ZNF862: variants seen among roughly 807,000 people sequenced by gnomAD.
ZNF862 encodes the protein zinc finger protein 862.
ZNF862 carries 64 observed loss-of-function variants against 91.1 expected under a neutral mutation model. That is an observed-to-expected ratio of 0.70 (90% CI 0.57 to 0.87). The LOEUF is 0.87. Ranked by LOEUF, ZNF862 falls within the 40% of genes least tolerant of loss-of-function variation. The probability of loss-of-function intolerance (pLI) is 0.00; values close to 1 mark genes in which losing one functional copy is unlikely to be tolerated. For missense variants in ZNF862, 1,459 were observed against 1,528.0 expected (o/e 0.95, Z 0.75); for synonymous variants, 631 against 618.1 (o/e 1.02, Z -0.31).
chr7:149,849,825 T>G (rs1228474062), intron 4 of ZNF862, among the ~76,000 whole-genome samples: 4 of 152,158 alleles, frequency 2.6e-5, no homozygotes, highest in Non-Finnish European at 5.9e-5. Context: ...AGGCACACAG[T>G]CACCTTTTAG....
At chr7:149,845,069 G>T in intron 2 of ZNF862, 1 of 261,302 alleles carries the variant, frequency 3.8e-6, no homozygotes, top group South Asian at 4.9e-5. Context: ...GAGCCCGTAG[G>T]ACACTGGAGG....
In ZNF862 at chr7:149,861,782, C is replaced by G. The variant is rs185315692; in HGVS notation, c.2622C>G (p.Arg874=). Residue 874 remains arginine (R), a synonymous_variant, in exon 7 of 8, where the codon CGC becomes CGG. Transcript: ENST00000223210. The surrounding 1 kb of genome is among the most constrained non-coding windows in gnomAD (Gnocchi z 6.7). The stretch of plus-strand genomic sequence containing the variant: ...CAGAGGTGAACGCCACGCTGGGCCG[C>G]GCCTACGTGGCACTGGAGAGCCTCC... ...LITEVNATLG[R]AYVALESLRH... The G allele has an allele frequency of 1.9e-4, 312 of 1,613,610 alleles. 1 individual carries two copies. The African/African-American group carries it at 3.4e-3, about 17-fold the overall frequency.
At chr7:149,841,258 T>C in intron 1 of ZNF862, 1 of 985,450 alleles carries the variant, frequency 1.0e-6, no homozygotes, top group Non-Finnish European at 1.2e-6. Flanking sequence ...TTTGGTCTAT[T>C]ACTAGACTCT....
rs3735330 is a variant in ZNF862 at position 149,866,649 on chromosome 7, G to T, written c.*2365G>T. ...CCTTCCTTAGGTGGTGGGAAAGGGG[G>T]GTCCCTGTGCAGCGGGGCCACTGAG... On this transcript the variant is annotated 3_prime_UTR_variant, in exon 8 of 8. Coordinates refer to ENST00000223210, the MANE Select transcript of ZNF862 (RefSeq NM_001099220.3). The T allele has an allele frequency of 0.48, 72,447 of 152,002 alleles. 18,336 individuals are homozygous for T. The highest frequency in any genetic ancestry group is 0.58 in the Non-Finnish European group (39,712 of 67,972). 9.4% of individuals were successfully genotyped at this position (152,002 alleles called of 1,614,324 possible).
chr7:149,862,943 G>A (rs1022869591), intron 7 of ZNF862, among the ~76,000 whole-genome samples: 4 of 152,208 alleles, frequency 2.6e-5, no homozygotes, highest in East Asian at 1.9e-4. Context: ...CCCAGGCAGC[G>A]CCATCACATT....
In ZNF862 at chr7:149,838,600, G is replaced by A; in HGVS notation, c.-12G>A. On this transcript the variant is annotated 5_prime_UTR_variant, in exon 1 of 8. Coordinates refer to ENST00000223210, the MANE Select transcript of ZNF862 (RefSeq NM_001099220.3). ...GGGGGAGGGGGCGGCACGGGCCTCC[G>A]AAAGCGGGGCCATGGAGCCCAGAGA... 1 of 1,223,940 alleles carries A rather than the reference G, an allele frequency of 8.2e-7. No homozygotes were observed. Among genetic ancestry groups the A allele is most frequent in the Non-Finnish European group, 1.0e-6 (1 of 978,772 alleles). The allele number at this position is 1,223,940 out of a possible 1,614,324, so 75.8% of individuals were successfully genotyped here.
At position 149,861,983 on chromosome 7, in the gene ZNF862, C is replaced by T. The variant is rs200599838; in HGVS notation, c.2823C>T (p.Pro941=). The change falls in exon 7 of 8, where the codon CCC becomes CCT. Residue 941 remains proline (P), a synonymous_variant. Coordinates refer to ENST00000223210, the MANE Select transcript of ZNF862 (RefSeq NM_001099220.3). This position sits in a 1 kb window ranked among gnomAD's most constrained non-coding sequence, Gnocchi z 6.7. ...AGCAGAGGTTTGACGCAGACCGACC[C>T]CCACAGCTGAAGAACATGGAGGTGT... is the stretch of plus-strand genomic sequence containing the variant. ...YLQQRFDADR[P]PQLKNMEVFD... 5,464 of 1,613,868 alleles carry T rather than the reference C, an allele frequency of 3.4e-3. 86 individuals are homozygous for T. The highest frequency in any genetic ancestry group is 0.033 in the South Asian group (3,020 of 91,082).
intron 6 of ZNF862, chr7:149,859,732 G>A: frequency 1.8e-6 from 1 of 545,536 alleles, no homozygotes; most frequent in Non-Finnish European, 3.2e-6. Context: ...GGAAAAAACA[G>A]GTCCTTTTGT....
rs552865549 is a variant in ZNF862 at position 149,855,029 on chromosome 7, G to A, written c.1118-4393G>A. 7.9e-5 allele frequency among the ~76,000 whole-genome samples: 12 copies of A among 152,328 alleles called. No individual in the cohort carries two copies. Among genetic ancestry groups the A allele is most frequent in the East Asian group, 7.7e-4 (4 of 5,190 alleles). On this transcript the variant is annotated intron_variant, in intron 5 of 7. Coordinates refer to ENST00000223210, the MANE Select transcript of ZNF862 (RefSeq NM_001099220.3). The surrounding 1 kb of genome is among the most constrained non-coding windows in gnomAD (Gnocchi z 4.1). ...GGTGAGGGCCCTGGAGCCCATGTTC[G>A]AATCCCACCTACTACCTATGAAAGG... is the stretch of plus-strand genomic sequence containing the variant.
In ZNF862 at chr7:149,866,506, T is replaced by C. The variant is rs1802732440; in HGVS notation, c.*2222T>C. 6.6e-6 allele frequency: 1 copy of C among 152,248 alleles called. No individual in the cohort carries two copies. 9.4% of individuals were successfully genotyped at this position (152,248 alleles called of 1,614,324 possible). ...AATCCCTCAGAGCAGGAGGCCATCC[T>C]GTGAGCAGCCGTGAGTGGGTCTCTG... is the stretch of plus-strand genomic sequence containing the variant. On this transcript the variant is annotated 3_prime_UTR_variant, in exon 8 of 8. Transcript: ENST00000223210.
In ZNF862 at chr7:149,862,393, A is replaced by T; in HGVS notation, c.3233A>T (p.Tyr1078Phe). 1.2e-6 allele frequency: 2 copies of T among 1,612,638 alleles called. No homozygotes were observed. Among genetic ancestry groups the T allele is most frequent in the Non-Finnish European group, 1.7e-6 (2 of 1,179,616 alleles). ...TAVNGVAVTE[Y>F]DPQPAIQHWY... ...GTGAACGGCGTGGCCGTCACGGAGT[A>T]CGACCCCCAGCCCGCCATCCAGCAC... The change falls in exon 7 of 8, where the codon TAC becomes TTC. Residue 1078 changes from tyrosine (Y) to phenylalanine (F), a missense_variant. Transcript: ENST00000223210.
At chr7:149,847,421 T>TACGTTTCATAGATCAGATTGC in intron 3 of ZNF862, among the ~76,000 whole-genome samples, 1 of 152,168 alleles carries the variant, frequency 6.6e-6, no homozygotes, top group African/African-American at 2.4e-5. Flanking sequence ...CTGAAGATTG[T>TACGTTTCATAGATCAGATTGC]ACGTTTCATA....
At chr7:149,862,554 G>C in intron 7 of ZNF862, 60 bp downstream of exon 7, 2 of 1,495,780 alleles carry the variant, frequency 1.3e-6, no homozygotes, top group Non-Finnish European at 1.8e-6. Context: ...AGGCCAATAA[G>C]ACAGGACTGC....
intron 3 of ZNF862, among the ~76,000 whole-genome samples, 181 bp from the exon 4 acceptor site, chr7:149,847,554 A>G (rs549997683): frequency 2.0e-5 from 3 of 151,308 alleles, no homozygotes; most frequent in African/African-American, 7.3e-5. Flanking sequence ...AGGTGAGGGA[A>G]GGGCCTGCAG....
At position 149,861,075 on chromosome 7, in the gene ZNF862, T is replaced by G; in HGVS notation, c.1915T>G (p.Cys639Gly). 1 of 1,612,828 alleles carries G rather than the reference T, an allele frequency of 6.2e-7. No individual in the cohort carries two copies. ...CTCCACCGACGCCTCCGAGCAGGCCTGCGTGGGGATTTACATCCGCTACTT... is the reference window on the plus strand; with the variant it reads ...CTCCACCGACGCCTCCGAGCAGGCCGGCGTGGGGATTTACATCCGCTACTT... ...DSSTDASEQACVGIYIRYFKQ... is the reference protein window; with the variant it reads ...DSSTDASEQAGVGIYIRYFKQ... Residue 639 changes from cysteine to glycine, a missense_variant, in exon 7 of 8, where the codon TGC (cysteine) becomes GGC (glycine). Cys to Gly is a radical substitution (Grantham distance 159, BLOSUM62 -3). Transcript: ENST00000223210. This position sits in a 1 kb window ranked among gnomAD's most constrained non-coding sequence, Gnocchi z 6.7.
At chr7:149,839,987 G>T (rs1460165664) in intron 1 of ZNF862, among the ~76,000 whole-genome samples, 1 of 152,020 alleles carries the variant, frequency 6.6e-6, no homozygotes, top group South Asian at 2.1e-4. Flanking sequence ...GGCTTTCTTA[G>T]CCTTTAACGG....
intron 1 of ZNF862, 132 bp from the exon 2 acceptor site, chr7:149,844,493 T>TG: frequency 1.6e-6 from 1 of 608,334 alleles, no homozygotes. Flanking sequence ...TGGGGAGAGA[T>TG]GGGGTGTGGG....
chr7:149,861,385 TGGTGAA>T lies in ZNF862; in HGVS notation c.2227_2232del (p.Val743_Lys744del). On this transcript the variant is annotated inframe_deletion, in exon 7 of 8. Coordinates refer to ENST00000223210, the MANE Select transcript of ZNF862 (RefSeq NM_001099220.3). The surrounding 1 kb of genome is among the most constrained non-coding windows in gnomAD (Gnocchi z 6.7). ...GTGGACGCCTGCGGGAGCATCGATC[TGGTGAA>T]GAAGTGTGACCGGCACATCCGCACC... 5 of 1,613,094 alleles carry T rather than the reference TGGTGAA, an allele frequency of 3.1e-6. No individual in the cohort carries two copies. The South Asian group carries it at 5.5e-5, about 18-fold the overall frequency.
intron 5 of ZNF862, among the ~76,000 whole-genome samples, chr7:149,858,098 A>G (rs2128940473): frequency 6.6e-6 from 1 of 152,248 alleles, no homozygotes; most frequent in Middle Eastern, 3.4e-3. Flanking sequence ...GAGCCAGTCC[A>G]CTGCTCCCAC....
Sources: allele counts gnomAD v4.1 joint callset (sites outside exome capture counted in the v4.1 genomes callset), GRCh38; gene constraint gnomAD v4.1.1; non-coding constraint Gnocchi (gnomAD v3.1); transcripts MANE v1.5; gene names NCBI Gene and HGNC (gene_info 2026-07-23, HGNC 2026-07-21).